The following GAREM1 variants were observed in gnomAD, a reference collection of about 807,000 sequenced individuals.
The protein encoded by GAREM1 is GRB2-associated and regulator of MAPK protein 1.
In GAREM1, 26 loss-of-function variants were observed where a neutral mutation model predicts 71.3. The observed-to-expected ratio is 0.36, with a 90% confidence interval of 0.27 to 0.51. The LOEUF (loss-of-function observed/expected upper bound fraction) is 0.51. Ranked by LOEUF, GAREM1 falls within the 20% of genes least tolerant of loss-of-function variation. The pLI, the probability that GAREM1 is intolerant of heterozygous loss-of-function variation, is 0.95. For missense variants in GAREM1, 1,026 were observed against 1,103.1 expected (o/e 0.93, Z 0.99); for synonymous variants, 440 against 433.2 (o/e 1.02, Z -0.20).
intron 1 of GAREM1, among the ~76,000 whole-genome samples, chr18:32,447,673 A>G (rs1404746364): frequency 6.6e-6 from 1 of 152,154 alleles, no homozygotes; most frequent in African/African-American, 2.4e-5. Context: ...ATTTACAGAA[A>G]GAGTTGTAAG....
At chr18:32,305,060 A>AC (rs59597048) in intron 3 of GAREM1, among the ~76,000 whole-genome samples, 1 of 152,054 alleles carries the variant, frequency 6.6e-6, no homozygotes, top group Non-Finnish European at 1.5e-5. Context: ...TTAAAAAAAA[A>AC]CCCCACAAAT....
At chr18:32,417,247 G>A (rs2048474150) in intron 1 of GAREM1, among the ~76,000 whole-genome samples, 1 of 152,118 alleles carries the variant, frequency 6.6e-6, no homozygotes, top group Admixed American at 6.6e-5. Flanking sequence ...TGGAAAAAAG[G>A]GAACCCTCAT....
chr18:32,269,883 T>G (rs1009290033), intron 5 of GAREM1, among the ~76,000 whole-genome samples: 1 of 152,108 alleles, frequency 6.6e-6, no homozygotes, highest in East Asian at 1.9e-4. Flanking sequence ...GAAGGTGCTG[T>G]CTGCTCGTGT....
At chr18:32,380,054 C>G (rs142962252) in intron 2 of GAREM1, among the ~76,000 whole-genome samples, 129 of 152,290 alleles carry the variant, frequency 8.5e-4, no homozygotes, top group African/African-American at 3.0e-3. Context: ...ATTGCTCCCC[C>G]CTGAATTTTT....
chr18:32,431,315 G>C lies in GAREM1; in HGVS notation c.122-38280C>G, dbSNP rs181893710. Among the ~76,000 whole-genome samples the C allele has an allele frequency of 8.2e-4, 125 of 152,246 alleles. 1 individual carries two copies. The highest frequency in any genetic ancestry group is 3.4e-3 in the Middle Eastern group (1 of 294). On this transcript the variant is annotated intron_variant, in intron 1 of 5. Coordinates refer to ENST00000269209, the MANE Select transcript of GAREM1 (RefSeq NM_001242409.2). ...ATGCTATAACGGTCCAGAAGGAAAAGAGAGTATGGTATTAAAAAAGAATAT... is the reference window on the plus strand; with the variant it reads ...ATGCTATAACGGTCCAGAAGGAAAACAGAGTATGGTATTAAAAAAGAATAT...
intron 2 of GAREM1, among the ~76,000 whole-genome samples, chr18:32,345,504 G>A (rs1460657667): frequency 1.3e-5 from 2 of 152,074 alleles, no homozygotes; most frequent in Non-Finnish European, 2.9e-5. Flanking sequence ...CCTGCACCAA[G>A]TTCTTCAAGT....
intron 1 of GAREM1, among the ~76,000 whole-genome samples, chr18:32,455,320 T>C (rs2048877005): frequency 2.0e-5 from 3 of 152,178 alleles, no homozygotes; most frequent in Non-Finnish European, 4.4e-5. Context: ...AAGGGAAATT[T>C]AAGAATTTTT....
chr18:32,372,639 C>T (rs1002249351), intron 2 of GAREM1, among the ~76,000 whole-genome samples: 59 of 152,194 alleles, frequency 3.9e-4, no homozygotes, highest in African/African-American at 1.4e-3. Context: ...CACCTGCCTT[C>T]TGCTTCATGA....
intron 2 of GAREM1, among the ~76,000 whole-genome samples, chr18:32,376,267 T>A (rs1359848733): frequency 6.6e-6 from 1 of 152,206 alleles, no homozygotes; most frequent in Non-Finnish European, 1.5e-5. Flanking sequence ...TCCACTTAGA[T>A]CAGGCCAAGG....
chr18:32,304,661 T>C (rs1598945859), intron 3 of GAREM1, among the ~76,000 whole-genome samples: 3 of 152,238 alleles, frequency 2.0e-5, no homozygotes, highest in Admixed American at 6.5e-5. Context: ...AGTGTATTAC[T>C]TTACTTAATT....
chr18:32,393,077 T>G, intron 1 of GAREM1, 42 bp from the exon 2 acceptor site: 1 of 1,587,642 alleles, frequency 6.3e-7, no homozygotes, highest in Non-Finnish European at 8.6e-7. Flanking sequence ...GAATTCATAA[T>G]CTGCTTTCTC....
At chr18:32,351,819 T>C (rs188947534) in intron 2 of GAREM1, among the ~76,000 whole-genome samples, 2 of 152,216 alleles carry the variant, frequency 1.3e-5, no homozygotes, top group Non-Finnish European at 2.9e-5. Flanking sequence ...TACCCTACTT[T>C]CAAATTCTCA....
chr18:32,328,478 C>T (rs1329321290), intron 2 of GAREM1, among the ~76,000 whole-genome samples: 1 of 152,100 alleles, frequency 6.6e-6, no homozygotes, highest in Non-Finnish European at 1.5e-5. Flanking sequence ...TGAAACTTTC[C>T]AAGGCCAGGA....
chr18:32,451,509 T>G (rs2144293436), intron 1 of GAREM1, among the ~76,000 whole-genome samples: 1 of 152,310 alleles, frequency 6.6e-6, no homozygotes, highest in South Asian at 2.1e-4. Flanking sequence ...TCAGGACTAC[T>G]TAATGCTTCC....
chr18:32,307,365 T>C (rs1041440389), intron 3 of GAREM1, among the ~76,000 whole-genome samples: 1 of 152,186 alleles, frequency 6.6e-6, no homozygotes. Flanking sequence ...GTTTGAAATC[T>C]TTCTTTTAAA....
chr18:32,465,525 G>A (rs1247967399), intron 1 of GAREM1, among the ~76,000 whole-genome samples: 1 of 152,148 alleles, frequency 6.6e-6, no homozygotes. Context: ...AGCCAGGAAG[G>A]AGAGACGGTC....
At chr18:32,369,556 G>A (rs16963270) in intron 2 of GAREM1, among the ~76,000 whole-genome samples, 31,377 of 152,118 alleles carry the variant, frequency 0.21, 3,962 homozygotes, top group African/African-American at 0.35. Context: ...AGACTGATCA[G>A]TATCAACCCC....
At chr18:32,452,024 ATGAAGACT>A (rs1248682126) in intron 1 of GAREM1, among the ~76,000 whole-genome samples, 1 of 152,190 alleles carries the variant, frequency 6.6e-6, no homozygotes, top group Non-Finnish European at 1.5e-5. Flanking sequence ...TTCAAGTTCT[ATGAAGACT>A]TGACTTTCAC....
chr18:32,353,241 A>T (rs1478360472), intron 2 of GAREM1, among the ~76,000 whole-genome samples: 1 of 152,250 alleles, frequency 6.6e-6, no homozygotes, highest in Non-Finnish European at 1.5e-5. Flanking sequence ...ATATTTTTCA[A>T]CAAATATCTT....
Sources: gnomAD v4.1 joint callset for allele counts (sites outside exome capture counted in the v4.1 genomes callset) on GRCh38, gnomAD v4.1.1 for gene constraint, MANE v1.5 for transcripts, NCBI Gene and HGNC (gene_info 2026-07-23, HGNC 2026-07-21) for gene names.